CRPPA: variants seen among roughly 807,000 people sequenced by gnomAD.
CRPPA encodes CDP-L-ribitol pyrophosphorylase A.
A neutral mutation model predicts 52.0 loss-of-function variants in CRPPA; 43 were observed. The ratio of observed to expected loss-of-function variants is 0.83; its 90% confidence interval spans 0.65 to 1.07. The LOEUF (loss-of-function observed/expected upper bound fraction) is 1.07. Ranked by LOEUF, CRPPA falls within the 50% of genes least tolerant of loss-of-function variation. The pLI is 0.00. For missense variants in CRPPA, 629 were observed against 551.7 expected, an observed-to-expected ratio of 1.14 and a Z score of -1.40; for synonymous variants, 250 against 203.5, an observed-to-expected ratio of 1.23 and a Z score of -1.94.
At chr7:16,284,622 TAA>T (rs879909061) in intron 5 of CRPPA, among the ~76,000 whole-genome samples, 5,695 of 152,198 alleles carry the variant, frequency 0.037, 338 homozygotes, top group African/African-American at 0.13. Context: ...AAACGTGCCA[TAA>T]TCATATGTGA....
chr7:16,312,060 C>T (rs997199559), intron 3 of CRPPA, among the ~76,000 whole-genome samples: 1 of 151,998 alleles, frequency 6.6e-6, no homozygotes, highest in African/African-American at 2.4e-5. Context: ...AGTGTCAGTC[C>T]TCCAACTTTA....
intron 2 of CRPPA, among the ~76,000 whole-genome samples, chr7:16,389,928 A>AAAATATATATATAT: frequency 1.7e-4 from 5 of 29,770 alleles, no homozygotes; most frequent in Non-Finnish European, 2.1e-4. Context: ...AAAAAAAAAA[A>AAAATATATATATAT]ATATATATAT....
At chr7:16,255,572 T>G (rs765177144) in intron 8 of CRPPA, among the ~76,000 whole-genome samples, 22 of 152,188 alleles carry the variant, frequency 1.4e-4, no homozygotes, top group Non-Finnish European at 2.4e-4. Flanking sequence ...CAAAACAGCA[T>G]GGTACTGGGT....
intron 9 of CRPPA, among the ~76,000 whole-genome samples, chr7:16,188,174 C>CG (rs1781542666): frequency 6.6e-6 from 1 of 150,444 alleles, no homozygotes; most frequent in African/African-American, 2.4e-5. Context: ...TTAGTAGAGA[C>CG]GGGGTTTCAC....
At chr7:16,415,872 T>C (rs1788180754) in intron 1 of CRPPA, among the ~76,000 whole-genome samples, 1 of 152,200 alleles carries the variant, frequency 6.6e-6, no homozygotes. Context: ...CATGTTTCCT[T>C]ACATTTCCCT....
chr7:16,184,964 T>A (rs1781477798), intron 9 of CRPPA, among the ~76,000 whole-genome samples: 1 of 152,226 alleles, frequency 6.6e-6, no homozygotes, highest in African/African-American at 2.4e-5. Flanking sequence ...TTGGACATTT[T>A]TGTGGATTTT....
chr7:16,172,195 T>C (rs568896834), intron 9 of CRPPA, among the ~76,000 whole-genome samples: 2 of 151,896 alleles, frequency 1.3e-5, no homozygotes, highest in Non-Finnish European at 2.9e-5. Context: ...CACTGCAGAG[T>C]TTCCCCTTTG....
intron 1 of CRPPA, among the ~76,000 whole-genome samples, chr7:16,413,030 C>T (rs1328865518): frequency 6.6e-6 from 1 of 152,166 alleles, no homozygotes; most frequent in Non-Finnish European, 1.5e-5. Context: ...TCTGAAAGCC[C>T]TCTCATCTAG....
At position 16,357,201 on chromosome 7, in the gene CRPPA, C is replaced by G. The variant is rs1459164072; in HGVS notation, c.684+18891G>C. Among the ~76,000 whole-genome samples, 10 of 145,728 alleles carry G rather than the reference C, an allele frequency of 6.9e-5. No individual in the cohort carries two copies. The East Asian group carries it at 1.8e-3, about 26-fold the overall frequency. On this transcript the variant is annotated intron_variant, in intron 3 of 9. Transcript: ENST00000407010. ...TTTATTTATTTATTTATTTTTGAGACAGAGTCTCGCTCTACCACCCAGGCT... is the reference window on the plus strand; with the variant it reads ...TTTATTTATTTATTTATTTTTGAGAGAGAGTCTCGCTCTACCACCCAGGCT...
intron 9 of CRPPA, among the ~76,000 whole-genome samples, chr7:16,168,718 A>G (rs922013024): frequency 1.3e-5 from 2 of 152,150 alleles, no homozygotes; most frequent in Admixed American, 1.3e-4. Flanking sequence ...GGGAAACTCA[A>G]TGGCTGTACA....
intron 5 of CRPPA, among the ~76,000 whole-genome samples, chr7:16,282,739 G>A (rs1392593245): frequency 2.0e-5 from 3 of 152,116 alleles, no homozygotes; most frequent in Non-Finnish European, 4.4e-5. Flanking sequence ...ATGTAGATTC[G>A]AGGTAAAATA....
intron 3 of CRPPA, among the ~76,000 whole-genome samples, chr7:16,360,482 T>C (rs1032918135): frequency 2.6e-5 from 4 of 152,162 alleles, no homozygotes; most frequent in Non-Finnish European, 5.9e-5. Context: ...AAAATCACAC[T>C]AATCGAAACA....
chr7:16,216,242 C>G (rs367970562), intron 8 of CRPPA, 45 bp from the exon 9 acceptor site: 3 of 1,300,228 alleles, frequency 2.3e-6, no homozygotes, highest in African/African-American at 1.5e-5. Flanking sequence ...TTCCCTTCAA[C>G]TTTCTCTGGA....
chr7:16,263,533 C>T (rs1200480486), intron 6 of CRPPA, among the ~76,000 whole-genome samples: 10 of 152,144 alleles, frequency 6.6e-5, no homozygotes, highest in Admixed American at 5.9e-4. Context: ...GGGTGGATCA[C>T]CTGAGGTCAG....
chr7:16,308,899 A>AT (rs1391419143), intron 3 of CRPPA, among the ~76,000 whole-genome samples: 1 of 152,202 alleles, frequency 6.6e-6, no homozygotes, highest in African/African-American at 2.4e-5. Context: ...TAGGCGTAAA[A>AT]AAATGTAATA....
intron 3 of CRPPA, among the ~76,000 whole-genome samples, chr7:16,343,551 C>T (rs1372473476): frequency 6.6e-6 from 1 of 151,484 alleles, no homozygotes. Flanking sequence ...TGATCTGACT[C>T]AGTTTCCCAC....
chr7:16,101,909 C>A (rs1028134114), intron 9 of CRPPA, among the ~76,000 whole-genome samples: 1 of 152,064 alleles, frequency 6.6e-6, no homozygotes, highest in African/African-American at 2.4e-5. Flanking sequence ...TCAGTGCTAT[C>A]CCCCTCAAGC....
chr7:16,214,102 A>G (rs756512669), intron 9 of CRPPA, among the ~76,000 whole-genome samples: 2 of 152,214 alleles, frequency 1.3e-5, no homozygotes, highest in Non-Finnish European at 2.9e-5. Context: ...ATTTTAAGTG[A>G]TAAATTTTCT....
Position 16,342,798 on chromosome 7 carries a change from T to TATATAGATATATAGATATA in CRPPA, c.684+33293_684+33294insTATATCTATATATCTATAT, listed in dbSNP as rs1491461185. Among the ~76,000 whole-genome samples the TATATAGATATATAGATATA allele has an allele frequency of 2.7e-4, 27 of 101,214 alleles. 1 individual carries two copies. The highest frequency in any genetic ancestry group is 3.3e-4 in the African/African-American group (8 of 24,578). 66.4% of individuals were successfully genotyped at this position (101,214 alleles called of 152,430 possible). A position where few individuals can be genotyped will look rare whatever the true frequency, so the allele number is the denominator to read the frequency against. On this transcript the variant is annotated intron_variant, in intron 3 of 9. Transcript: ENST00000407010. The stretch of plus-strand genomic sequence containing the variant: ...AAAAAAAAAAATATATATATATATA[T>TATATAGATATATAGATATA]CTATATAGATATATAGATATACATA...
Sources: allele counts gnomAD v4.1 joint callset (sites outside exome capture counted in the v4.1 genomes callset), GRCh38; gene constraint gnomAD v4.1.1; transcripts MANE v1.5; gene names NCBI Gene and HGNC (gene_info 2026-07-23, HGNC 2026-07-21).